Variants in TMEM232 observed in about 807,000 individuals in gnomAD.
TMEM232 encodes transmembrane protein 232.
In TMEM232, 80 loss-of-function variants were observed where a neutral mutation model predicts 78.8. That is an observed-to-expected ratio of 1.01 (90% confidence interval 0.85 to 1.22). TMEM232 has a LOEUF of 1.22. Among genes scored for constraint, TMEM232 ranks in the 50% most tolerant of loss-of-function variants. TMEM232 has a pLI of 0.00. For missense variants in TMEM232, 881 were observed against 742.2 expected, an observed-to-expected ratio of 1.19 and a Z score of -2.17; for synonymous variants, 297 against 254.3, an observed-to-expected ratio of 1.17 and a Z score of -1.60.
At chr5:110,572,780 C>A (rs537718725) in intron 10 of TMEM232, among the ~76,000 whole-genome samples, 18 of 152,108 alleles carry the variant, frequency 1.2e-4, no homozygotes, top group Admixed American at 4.6e-4. Flanking sequence ...CAGGGAGAAT[C>A]ATTACACCCA....
chr5:110,697,918 C>T (rs1220816974), intron 1 of TMEM232, among the ~76,000 whole-genome samples: 8 of 152,134 alleles, frequency 5.3e-5, no homozygotes, highest in Non-Finnish European at 1.2e-4. Flanking sequence ...ACCATTTGAC[C>T]CAGCCATCCC....
chr5:110,422,109 C>A (rs1441660593), intron 13 of TMEM232, among the ~76,000 whole-genome samples: 1 of 152,050 alleles, frequency 6.6e-6, no homozygotes, highest in Non-Finnish European at 1.5e-5. Flanking sequence ...AACTAATAAT[C>A]TAGTTGTTTA....
chr5:110,648,924 C>A (rs1275511111), intron 2 of TMEM232, among the ~76,000 whole-genome samples: 4 of 152,024 alleles, frequency 2.6e-5, no homozygotes, highest in Non-Finnish European at 5.9e-5. Flanking sequence ...AAGACTAGCT[C>A]CCATTTCTGT....
At chr5:110,460,717 A>G (rs57572016) in intron 12 of TMEM232, among the ~76,000 whole-genome samples, 2,909 of 150,440 alleles carry the variant, frequency 0.019, 87 homozygotes, top group African/African-American at 0.068. Flanking sequence ...CTTTATATCG[A>G]GCAAATCTAT....
At chr5:110,595,496 C>T (rs1163166184) in intron 10 of TMEM232, among the ~76,000 whole-genome samples, 1 of 152,104 alleles carries the variant, frequency 6.6e-6, no homozygotes, top group Non-Finnish European at 1.5e-5. Flanking sequence ...GGAGCATGTT[C>T]TAACCCAATA....
chr5:110,513,555 T>C (rs1768115786), intron 12 of TMEM232, among the ~76,000 whole-genome samples: 1 of 151,800 alleles, frequency 6.6e-6, no homozygotes, highest in East Asian at 1.9e-4. Context: ...TCCAAGGAAA[T>C]CACACAAATG....
At chr5:110,456,162 A>G (rs569642543) in intron 12 of TMEM232, among the ~76,000 whole-genome samples, 3 of 152,336 alleles carry the variant, frequency 2.0e-5, no homozygotes, top group East Asian at 3.9e-4. Context: ...CTACAGAAGA[A>G]TAATCTACAA....
chr5:110,476,200 A>T (rs898147518), intron 12 of TMEM232, among the ~76,000 whole-genome samples: 2 of 151,988 alleles, frequency 1.3e-5, no homozygotes, highest in Admixed American at 1.3e-4. Flanking sequence ...ACAGTATCTT[A>T]TGCTGTGACT....
intron 3 of TMEM232, among the ~76,000 whole-genome samples, chr5:110,392,067 T>C (rs975488002): frequency 3.3e-5 from 5 of 152,228 alleles, no homozygotes; most frequent in Non-Finnish European, 7.3e-5. Context: ...TTTCCACTCT[T>C]CTAGACTATT....
At chr5:110,570,020 G>A (rs1776759340) in intron 10 of TMEM232, among the ~76,000 whole-genome samples, 1 of 151,860 alleles carries the variant, frequency 6.6e-6, no homozygotes, top group Admixed American at 6.6e-5. Context: ...GAAAGGAAGA[G>A]GAGGCAGAAG....
chr5:110,424,822 C>T lies in TMEM232; in HGVS notation c.1797+1G>A, dbSNP rs558790101. ...GCTAGTTAAAAAAAAATCAATCTTA[C>T]GTGATGGTCAATGATTTTTGCCAAC... On this transcript the variant is annotated splice_donor_variant, in intron 13 of 13. Transcript: ENST00000455884. LOFTEE classifies it high-confidence loss of function. The T allele has an allele frequency of 4.7e-5, 72 of 1,545,414 alleles. No individual in the cohort carries two copies. The African/African-American group carries it at 7.8e-4, about 17-fold the overall frequency.
intron 12 of TMEM232, among the ~76,000 whole-genome samples, chr5:110,527,810 G>A (rs1770812798): frequency 6.6e-6 from 1 of 151,880 alleles, no homozygotes; most frequent in African/African-American, 2.4e-5. Context: ...TATAGTAAAT[G>A]TATTAAAATT....
Position 110,625,394 on chromosome 5 carries a change from T to C in TMEM232, c.641A>G (p.Asn214Ser). Residue 214 changes from asparagine to serine, a missense_variant, in exon 7 of 14, where the codon AAC (asparagine) becomes AGC (serine). Coordinates refer to ENST00000455884, the MANE Select transcript of TMEM232 (RefSeq NM_001039763.4). ...FSGASYHKYP[N>S]IFSNVQFILK... ...GATGAATTGCACATTTGAAAAGATG[T>C]TTGGATACTTGTGATATGATGCTCC... 4 of 1,545,194 alleles carry C rather than the reference T, an allele frequency of 2.6e-6. No individual in the cohort carries two copies. The highest frequency in any genetic ancestry group is 3.5e-6 in the Non-Finnish European group (4 of 1,143,458).
At chr5:110,400,243 T>G (rs1299216818) in intron 2 of TMEM232, among the ~76,000 whole-genome samples, 1 of 152,166 alleles carries the variant, frequency 6.6e-6, no homozygotes, top group South Asian at 2.1e-4. Context: ...CTGTTCCACC[T>G]GTAAAACGTG....
intron 7 of TMEM232, 93 bp from the exon 8 acceptor site, chr5:110,618,655 T>C (rs774446817): frequency 1.6e-6 from 2 of 1,264,214 alleles, no homozygotes; most frequent in African/African-American, 1.5e-5. Context: ...AAATTTTAAA[T>C]ATACAAATGA....
intron 11 of TMEM232, among the ~76,000 whole-genome samples, chr5:110,554,175 T>C (rs1428714440): frequency 6.6e-6 from 1 of 152,126 alleles, no homozygotes; most frequent in African/African-American, 2.4e-5. Flanking sequence ...GTCAGTGGGC[T>C]GAGAAAGGCA....
chr5:110,736,835 C>T (rs546811314), intron 1 of TMEM232, among the ~76,000 whole-genome samples: 1 of 152,054 alleles, frequency 6.6e-6, no homozygotes, highest in African/African-American at 2.4e-5. Flanking sequence ...CTCTCATTTC[C>T]TATCACTTTC....
chr5:110,607,406 T>C (rs1249192128), intron 8 of TMEM232, among the ~76,000 whole-genome samples: 1 of 151,980 alleles, frequency 6.6e-6, no homozygotes, highest in Non-Finnish European at 1.5e-5. Context: ...TTAACCTTAG[T>C]GTGGCAGGTG....
At chr5:110,480,902 T>C (rs184725262) in intron 12 of TMEM232, among the ~76,000 whole-genome samples, 25 of 152,204 alleles carry the variant, frequency 1.6e-4, no homozygotes, top group African/African-American at 5.8e-4. Flanking sequence ...ACAACCTACA[T>C]TGAATTCAAA....
Sources: allele counts gnomAD v4.1 joint callset (sites outside exome capture counted in the v4.1 genomes callset), GRCh38; gene constraint gnomAD v4.1.1; transcripts MANE v1.5; gene names NCBI Gene and HGNC (gene_info 2026-07-23, HGNC 2026-07-21).